TGFA: variants seen among roughly 807,000 people sequenced by gnomAD.
TGFA encodes transforming growth factor alpha.
A neutral mutation model predicts 21.7 loss-of-function variants in TGFA; 12 were observed. That is an observed-to-expected ratio of 0.55 (90% confidence interval 0.35 to 0.90). The LOEUF (loss-of-function observed/expected upper bound fraction) is 0.90. TGFA is among the 40% of genes least tolerant of loss of function. The pLI is 0.01. For synonymous variants in TGFA, 79 were observed against 88.1 expected (o/e 0.90, Z 0.58); for missense variants, 178 against 210.8 (o/e 0.84, Z 0.96).
At chr2:70,520,784 T>A (rs1278481374) in intron 1 of TGFA, among the ~76,000 whole-genome samples, 2 of 152,044 alleles carry the variant, frequency 1.3e-5, no homozygotes, top group Non-Finnish European at 2.9e-5. Flanking sequence ...TTCCCCTGCT[T>A]CCATGCCCAA....
intron 1 of TGFA, among the ~76,000 whole-genome samples, chr2:70,538,354 C>T (rs1254279083): frequency 6.6e-6 from 1 of 152,178 alleles, no homozygotes. Context: ...TTAAGACCTA[C>T]ATTTTATAAT....
At position 70,553,330 on chromosome 2, in the gene TGFA, G is replaced by C. The variant is rs999003720; in HGVS notation, c.40+398C>G. 31 of 1,497,992 alleles carry C rather than the reference G, an allele frequency of 2.1e-5. No homozygotes were observed. In the South Asian group the frequency reaches 4.0e-4, roughly 19 times the overall value. 92.8% of individuals were successfully genotyped at this position (1,497,992 alleles called of 1,614,324 possible). A position where few individuals can be genotyped will look rare whatever the true frequency, so the allele number is the denominator to read the frequency against. ...GCCAGAGGGTTAGACGCCGGCCCCCGTTCCGAGGCGGCCCAGTCTACACGC... is the reference window on the plus strand; with the variant it reads ...GCCAGAGGGTTAGACGCCGGCCCCCCTTCCGAGGCGGCCCAGTCTACACGC... On this transcript the variant is annotated intron_variant, in intron 1 of 5. Transcript: ENST00000295400.
intron 2 of TGFA, among the ~76,000 whole-genome samples, chr2:70,498,237 C>CA (rs1220008239): frequency 3.9e-5 from 6 of 152,376 alleles, no homozygotes; most frequent in Non-Finnish European, 4.4e-5. Context: ...CCATTCTTAA[C>CA]AATACCACCA....
chr2:70,462,891 T>C (rs533812135), intron 3 of TGFA, among the ~76,000 whole-genome samples: 2 of 152,210 alleles, frequency 1.3e-5, no homozygotes, highest in South Asian at 4.2e-4. Context: ...ACTTGGCCCA[T>C]AGGAAAAACT....
intron 1 of TGFA, among the ~76,000 whole-genome samples, chr2:70,547,740 TTA>T (rs1412147328): frequency 2.1e-5 from 3 of 142,140 alleles, no homozygotes; most frequent in Non-Finnish European, 3.0e-5. Flanking sequence ...TACTACTATA[TTA>T]TATATATAGA....
At position 70,448,105 on chromosome 2, in the gene TGFA, C is replaced by T. The variant is rs1337755383; in HGVS notation, c.*2754G>A. 1.3e-5 allele frequency: 2 copies of T among 152,234 alleles called. No homozygotes were observed. Among genetic ancestry groups the T allele is most frequent in the Non-Finnish European group, 2.9e-5 (2 of 68,046 alleles). The allele number at this position is 152,234 out of a possible 1,614,324, so 9.4% of individuals were successfully genotyped here. On this transcript the variant is annotated 3_prime_UTR_variant, in exon 6 of 6. Transcript: ENST00000295400. ...AACTCTAGGGCCATTCTGCCCATCTCTCCTGCGGGGACACAATGGCCAGCC... is the reference window on the plus strand; with the variant it reads ...AACTCTAGGGCCATTCTGCCCATCTTTCCTGCGGGGACACAATGGCCAGCC...
chr2:70,449,637 G>GAA lies in TGFA; in HGVS notation c.*1220_*1221dup. On this transcript the variant is annotated 3_prime_UTR_variant, in exon 6 of 6. Coordinates refer to ENST00000295400, the MANE Select transcript of TGFA (RefSeq NM_003236.4). ...AGCCGGCATCCTGAATGGAAATGAG[G>GAA]AAAAAAAAATTACTGGAATAGTTTT... is the stretch of plus-strand genomic sequence containing the variant. The GAA allele has an allele frequency of 1.6e-5, 4 of 244,438 alleles. No homozygotes were observed. Among genetic ancestry groups the GAA allele is most frequent in the South Asian group, 4.2e-5 (1 of 23,850 alleles). 15.1% of individuals were successfully genotyped at this position (244,438 alleles called of 1,614,324 possible). A position where few individuals can be genotyped will look rare whatever the true frequency, so the allele number is the denominator to read the frequency against.
intron 2 of TGFA, among the ~76,000 whole-genome samples, chr2:70,470,202 AACAG>A (rs1209537790): frequency 6.6e-6 from 1 of 152,064 alleles, no homozygotes; most frequent in African/African-American, 2.4e-5. Flanking sequence ...AACAGGAAGA[AACAG>A]ACAGGCGGGC....
chr2:70,451,666 A>G (rs1670062803), intron 5 of TGFA: 1 of 671,292 alleles, frequency 1.5e-6, no homozygotes, highest in Non-Finnish European at 2.7e-6. Flanking sequence ...TCTATTACAA[A>G]TTTTCTTAAA....
At chr2:70,492,172 AC>A (rs1312074897) in intron 2 of TGFA, among the ~76,000 whole-genome samples, 3 of 152,188 alleles carry the variant, frequency 2.0e-5, no homozygotes, top group Non-Finnish European at 4.4e-5. Flanking sequence ...TTGGGACCTG[AC>A]ATAGCCAGGG....
chr2:70,553,649 C>T (rs1463451515), intron 1 of TGFA, 79 bp downstream of exon 1: 2 of 1,311,842 alleles, frequency 1.5e-6, no homozygotes, highest in Non-Finnish European at 1.9e-6. Context: ...GCAGAAACCC[C>T]CGGAAAGGGG....
At chr2:70,518,062 C>T (rs1268924891) in intron 1 of TGFA, among the ~76,000 whole-genome samples, 3 of 152,244 alleles carry the variant, frequency 2.0e-5, no homozygotes, top group Admixed American at 6.5e-5. Context: ...GAGAGGACAG[C>T]CACAGGCACC....
chr2:70,464,558 G>C (rs1670493438), intron 3 of TGFA, among the ~76,000 whole-genome samples: 1 of 152,178 alleles, frequency 6.6e-6, no homozygotes, highest in South Asian at 2.1e-4. Flanking sequence ...CTAGTAGATA[G>C]AGGCCAGGGA....
chr2:70,451,882 G>A (rs920484651), intron 5 of TGFA: 49 of 634,434 alleles, frequency 7.7e-5, no homozygotes, highest in Non-Finnish European at 1.2e-4. Flanking sequence ...TCGCTCATGA[G>A]CCATCCTCTT....
intron 2 of TGFA, among the ~76,000 whole-genome samples, chr2:70,504,473 C>CATATATATATATATATATATAT (rs376988843): frequency 4.6e-4 from 36 of 78,756 alleles, no homozygotes; most frequent in East Asian, 3.6e-3. Flanking sequence ...TACACACATA[C>CATATATATATATATATATATAT]ATACATACAT....
At chr2:70,478,425 T>C (rs17005668) in intron 2 of TGFA, among the ~76,000 whole-genome samples, 9,361 of 152,112 alleles carry the variant, frequency 0.062, 359 homozygotes, top group Middle Eastern at 0.12. Context: ...ACATAGAAGA[T>C]GGATGCCCTA....
chr2:70,519,846 A>G (rs1253883826), intron 1 of TGFA, among the ~76,000 whole-genome samples: 3 of 152,236 alleles, frequency 2.0e-5, no homozygotes, highest in Non-Finnish European at 4.4e-5. Context: ...GGGTGCCTGC[A>G]CCACAACCCC....
intron 2 of TGFA, among the ~76,000 whole-genome samples, chr2:70,508,073 C>G (rs1347053298): frequency 6.6e-6 from 1 of 152,172 alleles, no homozygotes; most frequent in Non-Finnish European, 1.5e-5. Flanking sequence ...AAGAAAAGAG[C>G]TGTTGTTTCT....
intron 1 of TGFA, among the ~76,000 whole-genome samples, chr2:70,531,089 G>A (rs902824477): frequency 2.0e-5 from 3 of 152,174 alleles, no homozygotes; most frequent in African/African-American, 2.4e-5. Context: ...ATCCTCCAGG[G>A]AAAGGAGTCC....
Sources: gnomAD v4.1 joint callset for allele counts (sites outside exome capture counted in the v4.1 genomes callset) on GRCh38, gnomAD v4.1.1 for gene constraint, MANE v1.5 for transcripts, NCBI Gene and HGNC (gene_info 2026-07-23, HGNC 2026-07-21) for gene names.